GABRG3: variants seen among roughly 807,000 people sequenced by gnomAD.
GABRG3 encodes the protein gamma-aminobutyric acid receptor subunit gamma-3.
A neutral mutation model predicts 48.8 loss-of-function variants in GABRG3; 25 were observed. The observed-to-expected ratio is 0.51, with a 90% confidence interval of 0.37 to 0.72. The LOEUF is 0.72. GABRG3 is among the 30% of genes least tolerant of loss of function. The pLI is 0.00. For synonymous variants in GABRG3, 227 were observed against 217.6 expected (o/e 1.04, Z -0.38); for missense variants, 394 against 577.9 (o/e 0.68, Z 3.26).
At chr15:27,128,181 G>A (rs1897854124) in intron 3 of GABRG3, among the ~76,000 whole-genome samples, 1 of 152,204 alleles carries the variant, frequency 6.6e-6, no homozygotes, top group Non-Finnish European at 1.5e-5. Context: ...GGGCAACATA[G>A]TGAGACCCTG....
chr15:27,489,883 C>G (rs1273978478), intron 6 of GABRG3, among the ~76,000 whole-genome samples: 2 of 152,112 alleles, frequency 1.3e-5, no homozygotes, highest in African/African-American at 2.4e-5. Flanking sequence ...TAATTAGATC[C>G]CATTTGTCAA....
chr15:27,391,212 A>G (rs901688794), intron 5 of GABRG3, among the ~76,000 whole-genome samples: 1 of 152,188 alleles, frequency 6.6e-6, no homozygotes, highest in South Asian at 2.1e-4. Flanking sequence ...TTAATATTTT[A>G]TAGGCTTTAT....
chr15:27,255,464 A>G (rs1473324882), intron 3 of GABRG3, among the ~76,000 whole-genome samples: 2 of 152,088 alleles, frequency 1.3e-5, no homozygotes, highest in African/African-American at 4.8e-5. Flanking sequence ...CTCTTAGTTT[A>G]CTCAGGGACA....
chr15:27,485,012 C>T (rs1307290812), intron 6 of GABRG3, among the ~76,000 whole-genome samples: 1 of 152,140 alleles, frequency 6.6e-6, no homozygotes, highest in Non-Finnish European at 1.5e-5. Context: ...AGGGCATAGC[C>T]CCCACTCTTT....
At chr15:27,470,141 C>G (rs1347360036) in intron 5 of GABRG3, among the ~76,000 whole-genome samples, 2 of 152,170 alleles carry the variant, frequency 1.3e-5, no homozygotes, top group Non-Finnish European at 2.9e-5. Context: ...CTTTACTTAT[C>G]AAATTTCAGT....
At chr15:27,019,441 C>G (rs1383073628) in intron 2 of GABRG3, among the ~76,000 whole-genome samples, 2 of 152,158 alleles carry the variant, frequency 1.3e-5, no homozygotes, top group Admixed American at 1.3e-4. Context: ...GGATTCTCTG[C>G]TTTGGTGAAG....
intron 3 of GABRG3, among the ~76,000 whole-genome samples, chr15:27,128,186 A>G (rs894024091): frequency 6.6e-6 from 1 of 152,162 alleles, no homozygotes; most frequent in Non-Finnish European, 1.5e-5. Context: ...ACATAGTGAG[A>G]CCCTGTCTCT....
At chr15:27,372,639 G>C (rs1428049839) in intron 5 of GABRG3, among the ~76,000 whole-genome samples, 3 of 152,136 alleles carry the variant, frequency 2.0e-5, no homozygotes, top group African/African-American at 7.2e-5. Context: ...TGATCCTCTT[G>C]CCTTGGCCTT....
intron 2 of GABRG3, among the ~76,000 whole-genome samples, chr15:26,980,504 C>T (rs770812942): frequency 7.2e-5 from 11 of 151,934 alleles, no homozygotes; most frequent in African/African-American, 1.9e-4. Flanking sequence ...GGTGAAATCC[C>T]GTCTCTACTA....
chr15:27,487,404 G>C (rs576590951), intron 6 of GABRG3, among the ~76,000 whole-genome samples: 50 of 152,270 alleles, frequency 3.3e-4, no homozygotes, highest in African/African-American at 1.2e-3. Context: ...AGCAAGGTGG[G>C]ACATGAGCCA....
intron 3 of GABRG3, among the ~76,000 whole-genome samples, chr15:27,323,492 G>A (rs928479875): frequency 6.6e-6 from 1 of 152,266 alleles, no homozygotes; most frequent in Admixed American, 6.5e-5. Context: ...ATGCCCATAT[G>A]TGCCTCCCTG....
intron 5 of GABRG3, among the ~76,000 whole-genome samples, chr15:27,338,028 C>T (rs1222482549): frequency 2.6e-5 from 4 of 152,060 alleles, no homozygotes; most frequent in African/African-American, 7.2e-5. Context: ...AAATATGGAG[C>T]GAGGGGAGTC....
chr15:27,160,161 A>G (rs1887125198), intron 3 of GABRG3, among the ~76,000 whole-genome samples: 3 of 152,146 alleles, frequency 2.0e-5, no homozygotes, highest in South Asian at 2.1e-4. Flanking sequence ...ATTCTCCAGG[A>G]ATCTTCTGAG....
intron 6 of GABRG3, among the ~76,000 whole-genome samples, chr15:27,517,769 C>G (rs1229964166): frequency 6.6e-6 from 1 of 152,140 alleles, no homozygotes; most frequent in Non-Finnish European, 1.5e-5. Context: ...TAATTCAAAT[C>G]ACATTTCCTT....
intron 3 of GABRG3, among the ~76,000 whole-genome samples, chr15:27,213,433 G>A (rs1889135599): frequency 6.6e-6 from 1 of 152,220 alleles, no homozygotes; most frequent in South Asian, 2.1e-4. Flanking sequence ...GCTGAAGAAA[G>A]CAGAAACAGG....
At chr15:27,007,763 T>C (rs1248681403) in intron 2 of GABRG3, among the ~76,000 whole-genome samples, 1 of 152,194 alleles carries the variant, frequency 6.6e-6, no homozygotes, top group African/African-American at 2.4e-5. Flanking sequence ...GTTTTTTGTT[T>C]TTTGCTTGCT....
intron 3 of GABRG3, among the ~76,000 whole-genome samples, chr15:27,307,924 C>CAT (rs555967111): frequency 1.7e-5 from 2 of 116,344 alleles, no homozygotes; most frequent in African/African-American, 6.3e-5. Flanking sequence ...TATATATAAA[C>CAT]ATATGCTTGT....
rs1329965545 is a variant in GABRG3, at chr15:27,532,953, G to A, written c.*72G>A. ...CTTCTGTCGTCCCCAGACCAGTAGT[G>A]ACCAATCGGGAGTAGCAAGGAAGGA... On this transcript the variant is annotated 3_prime_UTR_variant, in exon 10 of 10. Transcript: ENST00000615808. 6.9e-6 allele frequency: 10 copies of A among 1,439,086 alleles called. No homozygotes were observed. Among genetic ancestry groups the A allele is most frequent in the African/African-American group, 1.4e-5 (1 of 71,064 alleles). 89.1% of individuals were successfully genotyped at this position (1,439,086 alleles called of 1,614,324 possible).
At chr15:26,985,134 A>G (rs1713887773) in intron 2 of GABRG3, among the ~76,000 whole-genome samples, 1 of 152,212 alleles carries the variant, frequency 6.6e-6, no homozygotes, top group Non-Finnish European at 1.5e-5. Context: ...GAGGTGTGTT[A>G]TGGCTGCAGC....
Sources: allele counts gnomAD v4.1 joint callset (sites outside exome capture counted in the v4.1 genomes callset), GRCh38; gene constraint gnomAD v4.1.1; transcripts MANE v1.5; gene names NCBI Gene and HGNC (gene_info 2026-07-23, HGNC 2026-07-21).